EYS: variants seen among roughly 807,000 people sequenced by gnomAD.
EYS encodes EGF-like photoreceptor maintenance factor, also known as protein eyes shut homolog.
In EYS, 250 loss-of-function variants were observed where a neutral mutation model predicts 282.1. The ratio of observed to expected loss-of-function variants is 0.89; its 90% CI spans 0.80 to 0.98. The LOEUF (loss-of-function observed/expected upper bound fraction) is 0.98. Among genes scored for constraint, EYS ranks in the 50% least tolerant of loss-of-function variants. The probability of loss-of-function intolerance (pLI) is 0.00; values close to 1 mark genes in which losing one functional copy is unlikely to be tolerated. For synonymous variants in EYS, 1,355 were observed against 1,282.9 expected, an observed-to-expected ratio of 1.06 and a Z score of -1.20; for missense variants, 4,016 against 3,709.0, an observed-to-expected ratio of 1.08 and a Z score of -2.15.
chr6:65,311,177 A>G (rs1339104334), intron 11 of EYS, among the ~76,000 whole-genome samples: 1 of 152,224 alleles, frequency 6.6e-6, no homozygotes, highest in South Asian at 2.1e-4. Context: ...AAAAGTATGA[A>G]GTACTACAAT....
intron 13 of EYS, among the ~76,000 whole-genome samples, chr6:65,001,233 C>T (rs1463336288): frequency 2.7e-5 from 4 of 147,810 alleles, no homozygotes; most frequent in African/African-American, 9.7e-5. Flanking sequence ...CCTAGCGTCC[C>T]GGAAGATTCG....
intron 26 of EYS, among the ~76,000 whole-genome samples, chr6:64,586,405 A>T (rs928504270): frequency 1.3e-5 from 2 of 152,136 alleles, no homozygotes; most frequent in Non-Finnish European, 1.5e-5. Context: ...AATTATATGT[A>T]AGAAATACAT....
chr6:65,249,815 T>G (rs1020560269), intron 12 of EYS, among the ~76,000 whole-genome samples: 1 of 151,990 alleles, frequency 6.6e-6, no homozygotes, highest in African/African-American at 2.4e-5. Context: ...ACAGGAGAAA[T>G]AATGTACAAC....
chr6:64,772,369 T>G (rs1773551349), intron 22 of EYS, among the ~76,000 whole-genome samples: 1 of 151,732 alleles, frequency 6.6e-6, no homozygotes, highest in Admixed American at 6.6e-5. Flanking sequence ...TCTTTTGAAT[T>G]TTTGTAGTTA....
chr6:65,091,202 G>A (rs1288387148), intron 12 of EYS, among the ~76,000 whole-genome samples: 1 of 149,904 alleles, frequency 6.7e-6, no homozygotes, highest in East Asian at 2.0e-4. Context: ...GGGAGGCCGA[G>A]GTGGGTGGAT....
rs111604937 is a variant in EYS at position 64,063,743 on chromosome 6, T to A, written c.6725+2595A>T. Among the ~76,000 whole-genome samples the A allele has an allele frequency of 5.5e-5, 8 of 145,990 alleles. No homozygotes were observed. In the South Asian group the frequency reaches 1.5e-3, roughly 28 times the overall value. ...ATAGGGTTTTGTTTTATTGATAGAT[T>A]GATTGATTGAGTCTTGCTCTGATCC... On this transcript the variant is annotated intron_variant, in intron 33 of 42. Transcript: ENST00000503581.
At chr6:64,491,433 A>G (rs1244880114) in intron 26 of EYS, among the ~76,000 whole-genome samples, 6 of 150,980 alleles carry the variant, frequency 4.0e-5, no homozygotes, top group Non-Finnish European at 6.0e-5. Context: ...CAATTCTAAT[A>G]GACATTTTCA....
intron 23 of EYS, among the ~76,000 whole-genome samples, chr6:64,620,077 CTA>C (rs757157918): frequency 3.4e-4 from 51 of 152,110 alleles, no homozygotes; most frequent in Admixed American, 3.9e-4. Context: ...AGAAATCACT[CTA>C]GTTATTTAAG....
intron 29 of EYS, among the ~76,000 whole-genome samples, chr6:64,348,644 A>T (rs687082): frequency 0.69 from 103,867 of 151,346 alleles, 35,679 homozygotes; most frequent in South Asian, 0.71. Flanking sequence ...TGCCTTGCAA[A>T]TGTTCTTCAG....
intron 31 of EYS, among the ~76,000 whole-genome samples, chr6:64,177,475 C>A (rs1764670165): frequency 6.6e-6 from 1 of 151,830 alleles, no homozygotes; most frequent in African/African-American, 2.4e-5. Context: ...CTAATTAGTT[C>A]TCCCTTTTTG....
chr6:65,088,947 C>T (rs1349938759), intron 12 of EYS, among the ~76,000 whole-genome samples: 2 of 152,144 alleles, frequency 1.3e-5, no homozygotes, highest in East Asian at 3.9e-4. Context: ...AGGGTGCAGG[C>T]CACAGGCTTT....
At chr6:65,249,505 A>G (rs1767264209) in intron 12 of EYS, among the ~76,000 whole-genome samples, 1 of 152,038 alleles carries the variant, frequency 6.6e-6, no homozygotes. Flanking sequence ...TTCTCACTTA[A>G]ATAGCAAAAG....
intron 1 of EYS, among the ~76,000 whole-genome samples, chr6:65,696,233 A>G (rs1165140563): frequency 2.6e-5 from 4 of 151,980 alleles, no homozygotes; most frequent in Admixed American, 6.6e-5. Flanking sequence ...ATTCTCAGAG[A>G]TATATTTAAA....
intron 30 of EYS, among the ~76,000 whole-genome samples, chr6:64,295,695 C>T (rs1768950160): frequency 7.1e-6 from 1 of 140,322 alleles, no homozygotes; most frequent in Non-Finnish European, 1.5e-5. Context: ...CGCCGCTGCA[C>T]TCCAGCCTGG....
intron 28 of EYS, among the ~76,000 whole-genome samples, chr6:64,408,008 T>C (rs535043575): frequency 3.5e-4 from 54 of 152,268 alleles, no homozygotes; most frequent in African/African-American, 9.6e-4. Context: ...ATTACACGCA[T>C]GAGCCACGGC....
chr6:63,938,828 G>A (rs187531904), intron 35 of EYS, among the ~76,000 whole-genome samples: 1 of 152,300 alleles, frequency 6.6e-6, no homozygotes, highest in African/African-American at 2.4e-5. Context: ...ACTCAAGGGT[G>A]CTGAGTTGGA....
intron 31 of EYS, among the ~76,000 whole-genome samples, chr6:64,155,227 A>G (rs1168839974): frequency 2.0e-5 from 3 of 152,182 alleles, no homozygotes; most frequent in Non-Finnish European, 2.9e-5. Flanking sequence ...TCTAATATGC[A>G]GTTTGAAGGA....
At chr6:64,116,865 G>GA (rs1381519142) in intron 31 of EYS, among the ~76,000 whole-genome samples, 1 of 152,038 alleles carries the variant, frequency 6.6e-6, no homozygotes, top group African/African-American at 2.4e-5. Context: ...ACTTTATTAA[G>GA]AAGATATGCC....
chr6:64,300,099 C>T (rs548402409), intron 30 of EYS, among the ~76,000 whole-genome samples: 1 of 152,270 alleles, frequency 6.6e-6, no homozygotes, highest in Non-Finnish European at 1.5e-5. Context: ...GAGTTCTTAG[C>T]CTACCTGGTA....
Sources: allele counts gnomAD v4.1 joint callset (sites outside exome capture counted in the v4.1 genomes callset), GRCh38; gene constraint gnomAD v4.1.1; transcripts MANE v1.5; gene names NCBI Gene and HGNC (gene_info 2026-07-23, HGNC 2026-07-21).